The following EIF4EBP1 variants were observed in gnomAD, a reference collection of about 807,000 sequenced individuals.
EIF4EBP1 encodes the protein eukaryotic translation initiation factor 4E binding protein 1.
EIF4EBP1 carries 5 observed loss-of-function variants against 9.2 expected under a neutral mutation model. That is an observed-to-expected ratio of 0.54 (90% CI 0.28 to 1.14). The LOEUF is 1.14. EIF4EBP1 is among the 50% of genes most tolerant of loss of function. The pLI is 0.09. For synonymous variants in EIF4EBP1, 62 were observed against 67.0 expected (o/e 0.93, Z 0.36); for missense variants, 139 against 169.6 (o/e 0.82, Z 1.00).
chr8:38,033,913 A>G (rs1425206312), intron 1 of EIF4EBP1, among the ~76,000 whole-genome samples: 1 of 151,512 alleles, frequency 6.6e-6, no homozygotes, highest in African/African-American at 2.4e-5. Context: ...AGCCCGGCTG[A>G]TTTTTTGTGT....
chr8:38,048,795 C>A (rs533258092), intron 1 of EIF4EBP1, among the ~76,000 whole-genome samples: 25 of 151,474 alleles, frequency 1.7e-4, no homozygotes, highest in African/African-American at 5.8e-4. Context: ...GGTAACATAG[C>A]GAGACCCTGT....
chr8:38,036,654 G>A (rs1809306498), intron 1 of EIF4EBP1, among the ~76,000 whole-genome samples: 1 of 150,088 alleles, frequency 6.7e-6, no homozygotes, highest in African/African-American at 2.5e-5. Context: ...GGAAGGCACA[G>A]CAATATTGTT....
At position 38,060,019 on chromosome 8, in the gene EIF4EBP1, G is replaced by A. The variant is rs1809652296; in HGVS notation, c.*84G>A. The A allele has an allele frequency of 7.9e-6, 11 of 1,398,074 alleles. No homozygotes were observed. The highest frequency in any genetic ancestry group is 1.1e-5 in the Non-Finnish European group (11 of 983,508). 86.6% of individuals were successfully genotyped at this position (1,398,074 alleles called of 1,614,324 possible). On this transcript the variant is annotated 3_prime_UTR_variant, in exon 3 of 3. Transcript: ENST00000338825. The stretch of plus-strand genomic sequence containing the variant: ...GTCCCACCAGCCAGGCCTTATGAAA[G>A]TGATCATACTGGGCAGGCGTTGGCG...
intron 1 of EIF4EBP1, among the ~76,000 whole-genome samples, chr8:38,039,684 G>A (rs752629415): frequency 8.5e-5 from 13 of 152,090 alleles, no homozygotes; most frequent in Non-Finnish European, 1.3e-4. Context: ...AATTACAGGC[G>A]TGAGCCACTG....
chr8:38,053,039 G>A (rs1809547127), intron 1 of EIF4EBP1, among the ~76,000 whole-genome samples: 1 of 152,158 alleles, frequency 6.6e-6, no homozygotes, highest in Admixed American at 6.5e-5. Context: ...TTTTGAGACA[G>A]AGTCTTGCTT....
In EIF4EBP1 at chr8:38,048,481, A is replaced by G. The variant is rs111880195; in HGVS notation, c.146-8600A>G. Among the ~76,000 whole-genome samples, 655 of 152,168 alleles carry G rather than the reference A, an allele frequency of 4.3e-3. 8 individuals carry two copies. The highest frequency in any genetic ancestry group is 0.015 in the African/African-American group (612 of 41,506). On this transcript the variant is annotated intron_variant, in intron 1 of 2. Transcript: ENST00000338825. ...CCCAAACCTTCCAGAAGCTCTCTAA[A>G]ATGCCTCACAGTAAGGTCTTGCACA...
intron 1 of EIF4EBP1, among the ~76,000 whole-genome samples, chr8:38,042,368 G>A (rs1279392284): frequency 6.6e-6 from 1 of 152,240 alleles, no homozygotes; most frequent in Non-Finnish European, 1.5e-5. Context: ...ATGTGTGTGA[G>A]TGTGTGGTGT....
chr8:38,035,247 C>T (rs540573465), intron 1 of EIF4EBP1, among the ~76,000 whole-genome samples: 5 of 152,218 alleles, frequency 3.3e-5, no homozygotes, highest in Admixed American at 2.0e-4. Context: ...GACAGAGTTT[C>T]GCTCTTGTTG....
intron 1 of EIF4EBP1, among the ~76,000 whole-genome samples, chr8:38,044,421 G>C (rs988706759): frequency 6.6e-6 from 1 of 152,074 alleles, no homozygotes; most frequent in African/African-American, 2.4e-5. Flanking sequence ...AGGGGTGGTA[G>C]CCTGGTCTGC....
At chr8:38,055,361 G>T (rs1809581870) in intron 1 of EIF4EBP1, among the ~76,000 whole-genome samples, 1 of 152,072 alleles carries the variant, frequency 6.6e-6, no homozygotes, top group Non-Finnish European at 1.5e-5. Flanking sequence ...TAAAGTGTAA[G>T]AAATGAATCT....
At chr8:38,032,166 G>T (rs932718587) in intron 1 of EIF4EBP1, among the ~76,000 whole-genome samples, 2 of 152,142 alleles carry the variant, frequency 1.3e-5, no homozygotes, top group African/African-American at 2.4e-5. Flanking sequence ...GCCCTTTTTT[G>T]CACTCTTTAT....
intron 1 of EIF4EBP1, among the ~76,000 whole-genome samples, chr8:38,045,970 A>AT (rs1809443759): frequency 1.3e-5 from 2 of 151,406 alleles, no homozygotes; most frequent in South Asian, 4.2e-4. Context: ...CAATGGTGCG[A>AT]TTTTGGCTCA....
chr8:38,040,219 G>A (rs990181260), intron 1 of EIF4EBP1, among the ~76,000 whole-genome samples: 8 of 152,164 alleles, frequency 5.3e-5, no homozygotes, highest in Non-Finnish European at 7.3e-5. Context: ...TATTGGGGCC[G>A]GGGTCTCAGA....
chr8:38,030,629 G>A lies in EIF4EBP1; in HGVS notation c.56G>A (p.Arg19His). 1 of 1,514,088 alleles carries A rather than the reference G, an allele frequency of 6.6e-7. No individual in the cohort carries two copies. The highest frequency in any genetic ancestry group is 8.8e-7 in the Non-Finnish European group (1 of 1,137,810). The allele number at this position is 1,514,088 out of a possible 1,614,324, so 93.8% of individuals were successfully genotyped here. The change falls in exon 1 of 3, where the codon CGC becomes CAC. Residue 19 changes from arginine to histidine, a missense_variant. Coordinates refer to ENST00000338825, the MANE Select transcript of EIF4EBP1 (RefSeq NM_004095.4). ...QTPSRAIPAT[R>H]RVVLGDGVQL... The stretch of plus-strand genomic sequence containing the variant: ...CCAAGCCGGGCCATCCCCGCCACTC[G>A]CCGGGTGGTGCTCGGCGACGGCGTG...
Position 38,060,056 on chromosome 8 carries a change from AC to A in EIF4EBP1, c.*125del. 1.0e-6 allele frequency: 1 copy of A among 988,108 alleles called. No individual in the cohort carries two copies. Among genetic ancestry groups the A allele is most frequent in the Non-Finnish European group, 1.6e-6 (1 of 620,930 alleles). The allele number at this position is 988,108 out of a possible 1,614,324, so 61.2% of individuals were successfully genotyped here. ...GGCAGGCGTTGGCGTGGGGTCGGAC[AC>A]CCCAGCCCTTTCTCCCTCACTCAGG... On this transcript the variant is annotated 3_prime_UTR_variant, in exon 3 of 3. Transcript: ENST00000338825.
chr8:38,052,356 G>A (rs946543277), intron 1 of EIF4EBP1, among the ~76,000 whole-genome samples: 6 of 151,658 alleles, frequency 4.0e-5, no homozygotes, highest in Non-Finnish European at 8.8e-5. Flanking sequence ...AATCTCTCAG[G>A]CTCAAGCGAT....
At chr8:38,048,702 C>T (rs966358040) in intron 1 of EIF4EBP1, among the ~76,000 whole-genome samples, 7 of 152,148 alleles carry the variant, frequency 4.6e-5, no homozygotes, top group Admixed American at 3.3e-4. Flanking sequence ...TGGCCAGGTG[C>T]AGTGGCTCAC....
intron 2 of EIF4EBP1, among the ~76,000 whole-genome samples, chr8:38,059,160 T>A (rs1809635747): frequency 6.6e-6 from 1 of 152,126 alleles, no homozygotes; most frequent in Non-Finnish European, 1.5e-5. Flanking sequence ...AAATCTCATG[T>A]TAAATTGTAA....
intron 2 of EIF4EBP1, among the ~76,000 whole-genome samples, chr8:38,059,430 A>G (rs978225146): frequency 6.6e-6 from 1 of 152,096 alleles, no homozygotes; most frequent in African/African-American, 2.4e-5. Context: ...TCATGCTTGT[A>G]CAGCCTGCAG....
Sources: allele counts gnomAD v4.1 joint callset (sites outside exome capture counted in the v4.1 genomes callset), GRCh38; gene constraint gnomAD v4.1.1; transcripts MANE v1.5; gene names NCBI Gene and HGNC (gene_info 2026-07-23, HGNC 2026-07-21).